Variants in STK32B observed in about 807,000 individuals in gnomAD.
STK32B encodes the protein serine/threonine kinase 32B, also known as serine/threonine-protein kinase 32B.
STK32B carries 43 observed loss-of-function variants against 52.6 expected under a neutral mutation model. The observed-to-expected ratio is 0.82, with a 90% confidence interval of 0.64 to 1.05. STK32B has a LOEUF of 1.05. Among genes scored for constraint, STK32B ranks in the 50% least tolerant of loss-of-function variants. STK32B has a pLI of 0.00. For synonymous variants in STK32B, 238 were observed against 204.3 expected, an observed-to-expected ratio of 1.17 and a Z score of -1.41; for missense variants, 621 against 534.6, an observed-to-expected ratio of 1.16 and a Z score of -1.59.
chr4:5,183,399 C>T (rs1177167059), intron 3 of STK32B, among the ~76,000 whole-genome samples: 1 of 151,714 alleles, frequency 6.6e-6, no homozygotes, highest in Admixed American at 6.6e-5. Flanking sequence ...ATCGCTTGAA[C>T]TGAGGAAGCA....
intron 3 of STK32B, among the ~76,000 whole-genome samples, chr4:5,219,289 T>C (rs1159412286): frequency 6.6e-6 from 1 of 152,206 alleles, no homozygotes; most frequent in East Asian, 1.9e-4. Flanking sequence ...GGGAAAGGAC[T>C]GGGCATCCCT....
chr4:5,095,741 C>T (rs550408500), intron 1 of STK32B, among the ~76,000 whole-genome samples: 1 of 152,336 alleles, frequency 6.6e-6, no homozygotes, highest in African/African-American at 2.4e-5. Flanking sequence ...ATTGTCACCA[C>T]CGTCATGACT....
rs1220653199 is a variant in STK32B at position 5,499,990 on chromosome 4, A to T, written c.*907A>T. 1 of 152,188 alleles carries T rather than the reference A, an allele frequency of 6.6e-6. No individual in the cohort carries two copies. Among genetic ancestry groups the T allele is most frequent in the African/African-American group, 2.4e-5 (1 of 41,442 alleles). The allele number at this position is 152,188 out of a possible 1,614,324, so 9.4% of individuals were successfully genotyped here. On this transcript the variant is annotated 3_prime_UTR_variant, in exon 12 of 12. Coordinates refer to ENST00000282908, the MANE Select transcript of STK32B (RefSeq NM_018401.3). ...TCAGCTTGTCAGATTCTTCTTACAG[A>T]GAGTATCCAATCGGTATTGGTGGAG...
intron 5 of STK32B, among the ~76,000 whole-genome samples, chr4:5,403,607 C>T (rs548418280): frequency 2.0e-4 from 31 of 152,182 alleles, no homozygotes; most frequent in Non-Finnish European, 7.3e-5. Context: ...TAACTGAACT[C>T]GTTTCAAAGA....
At chr4:5,038,413 A>G in the STK32B span, among the ~76,000 whole-genome samples, 5 of 152,204 alleles carry the variant, frequency 3.3e-5, no homozygotes, top group Non-Finnish European at 7.3e-5. Context: ...GTGTTGGGCA[A>G]TTTCAGCATT....
intron 3 of STK32B, among the ~76,000 whole-genome samples, chr4:5,324,059 C>T (rs1026528443): frequency 9.2e-5 from 14 of 152,190 alleles, no homozygotes; most frequent in African/African-American, 3.1e-4. Context: ...AGCGCATATA[C>T]GTAAAGCACT....
At chr4:5,479,080 G>C (rs960511047) in intron 11 of STK32B, among the ~76,000 whole-genome samples, 6 of 149,774 alleles carry the variant, frequency 4.0e-5, no homozygotes, top group Non-Finnish European at 7.4e-5. Flanking sequence ...CTTTTTCTTT[G>C]TTCTTGTTTT....
intron 11 of STK32B, among the ~76,000 whole-genome samples, chr4:5,477,567 C>T (rs1054659409): frequency 6.6e-6 from 1 of 152,180 alleles, no homozygotes; most frequent in African/African-American, 2.4e-5. Flanking sequence ...GACTTAACAA[C>T]AACCAAGTGT....
intron 1 of STK32B, among the ~76,000 whole-genome samples, chr4:5,088,128 A>G (rs75477461): frequency 0.026 from 4,023 of 152,214 alleles, 166 homozygotes; most frequent in African/African-American, 0.092. Context: ...CTAGGAATCA[A>G]TAATAAAAGG....
intron 3 of STK32B, among the ~76,000 whole-genome samples, chr4:5,207,448 T>C (rs1722643112): frequency 1.3e-5 from 2 of 152,016 alleles, no homozygotes; most frequent in Non-Finnish European, 2.9e-5. Flanking sequence ...ATGTAAGACG[T>C]GACTTTGCTC....
intron 6 of STK32B, among the ~76,000 whole-genome samples, chr4:5,430,690 GCT>G (rs200721369): frequency 0.16 from 24,402 of 152,122 alleles, 2,744 homozygotes; most frequent in East Asian, 0.41. Context: ...TTACTACTAT[GCT>G]TTTAGTTTTC....
chr4:5,085,935 G>A (rs1037340830), intron 1 of STK32B, among the ~76,000 whole-genome samples: 11 of 152,102 alleles, frequency 7.2e-5, no homozygotes, highest in Non-Finnish European at 1.2e-4. Flanking sequence ...TTGGCTTTCC[G>A]GAAGAAGACT....
intron 1 of STK32B, among the ~76,000 whole-genome samples, chr4:5,134,812 G>A (rs1715981434): frequency 6.6e-6 from 1 of 152,218 alleles, no homozygotes; most frequent in African/African-American, 2.4e-5. Context: ...TGCCCACAGT[G>A]CTTAAATGCA....
intron 4 of STK32B, among the ~76,000 whole-genome samples, chr4:5,341,255 A>C (rs1733058576): frequency 6.6e-6 from 1 of 152,222 alleles, no homozygotes; most frequent in South Asian, 2.1e-4. Context: ...AAGGTCACAC[A>C]GCTAGTTAGC....
At chr4:5,219,050 A>G (rs1214996211) in intron 3 of STK32B, among the ~76,000 whole-genome samples, 1 of 152,232 alleles carries the variant, frequency 6.6e-6, no homozygotes, top group Admixed American at 6.5e-5. Context: ...ACTTGGGTCC[A>G]TTGATGGTGG....
the STK32B span, among the ~76,000 whole-genome samples, chr4:5,044,266 C>T: frequency 6.6e-6 from 1 of 152,152 alleles, no homozygotes; most frequent in East Asian, 1.9e-4. Flanking sequence ...AAACCTTCTC[C>T]AATCTCAGGG....
Position 5,271,813 on chromosome 4 carries a change from G to A in STK32B, c.261-59407G>A, listed in dbSNP as rs573385327. Among the ~76,000 whole-genome samples the A allele has an allele frequency of 3.6e-5, 5 of 137,886 alleles. No homozygotes were observed. In the East Asian group the frequency reaches 1.0e-3, roughly 29 times the overall value. The allele number at this position is 137,886 out of a possible 152,430, so 90.5% of individuals were successfully genotyped here. A position where few individuals can be genotyped will look rare whatever the true frequency, so the allele number is the denominator to read the frequency against. ...TGATTTGGCTCTCTGTTTGTCTGTA[G>A]TTGGTGTATAAGAATGCTTGTGATT... On this transcript the variant is annotated intron_variant, in intron 3 of 11. Coordinates refer to ENST00000282908, the MANE Select transcript of STK32B (RefSeq NM_018401.3).
At chr4:5,218,769 T>C (rs951020358) in intron 3 of STK32B, among the ~76,000 whole-genome samples, 2 of 152,224 alleles carry the variant, frequency 1.3e-5, no homozygotes, top group Admixed American at 6.5e-5. Context: ...AGAAGGTGGT[T>C]TCCTTGCTGG....
At position 5,291,096 on chromosome 4, in the gene STK32B, A is replaced by G. The variant is rs80248354; in HGVS notation, c.261-40124A>G. ...GCCACACTGTCTTCGTTACTATAAC[A>G]TTGTAATAAGTTTGAAAGTTTTGTC... is the stretch of plus-strand genomic sequence containing the variant. On this transcript the variant is annotated intron_variant, in intron 3 of 11. Coordinates refer to ENST00000282908, the MANE Select transcript of STK32B (RefSeq NM_018401.3). Among the ~76,000 whole-genome samples, 1,032 of 152,216 alleles carry G rather than the reference A, an allele frequency of 6.8e-3. 18 individuals are homozygous for G. In the East Asian group the frequency reaches 0.07, roughly 10 times the overall value.
Sources: gnomAD v4.1 joint callset for allele counts (sites outside exome capture counted in the v4.1 genomes callset) on GRCh38, gnomAD v4.1.1 for gene constraint, MANE v1.5 for transcripts, NCBI Gene and HGNC (gene_info 2026-07-23, HGNC 2026-07-21) for gene names.